SNX14: variants seen among roughly 807,000 people sequenced by gnomAD.
The protein encoded by SNX14 is sorting nexin 14, also known as sorting nexin-14.
Under a neutral mutation model 133.8 loss-of-function variants are expected in SNX14, and 93 were observed. The ratio of observed to expected loss-of-function variants is 0.70; its 90% CI spans 0.59 to 0.83. The LOEUF is 0.83. SNX14 is among the 40% of genes least tolerant of loss of function. The probability of loss-of-function intolerance (pLI) is 0.00; values close to 1 mark genes in which losing one functional copy is unlikely to be tolerated. For synonymous variants in SNX14, 368 were observed against 365.6 expected, an observed-to-expected ratio of 1.01 and a Z score of -0.07; for missense variants, 945 against 1,094.9, an observed-to-expected ratio of 0.86 and a Z score of 1.93.
At chr6:85,514,279 G>A in intron 24 of SNX14, 45 bp from the exon 25 acceptor site, 1 of 1,558,072 alleles carries the variant, frequency 6.4e-7, no homozygotes, top group Non-Finnish European at 8.6e-7. Flanking sequence ...CAGATGAATT[G>A]GTATTTTTGA....
At chr6:85,574,956 T>C (rs746270688) in intron 1 of SNX14, among the ~76,000 whole-genome samples, 11 of 152,164 alleles carry the variant, frequency 7.2e-5, no homozygotes, top group Non-Finnish European at 1.2e-4. Flanking sequence ...CAGAAAAGTT[T>C]TTTCAGAGAA....
chr6:85,544,122 C>CT (rs962571998), intron 12 of SNX14, among the ~76,000 whole-genome samples: 1 of 151,970 alleles, frequency 6.6e-6, no homozygotes, highest in African/African-American at 2.4e-5. Flanking sequence ...AAAATGAAGA[C>CT]TTTTTTTAGT....
intron 26 of SNX14, among the ~76,000 whole-genome samples, chr6:85,512,991 T>C (rs1773486631): frequency 6.6e-6 from 1 of 152,180 alleles, no homozygotes; most frequent in Non-Finnish European, 1.5e-5. Flanking sequence ...TACTCCATAC[T>C]TTCTCCCTAT....
chr6:85,585,762 A>G (rs1202401776), intron 1 of SNX14, among the ~76,000 whole-genome samples: 3 of 152,206 alleles, frequency 2.0e-5, no homozygotes, highest in Non-Finnish European at 4.4e-5. Context: ...AAAATACAGA[A>G]GAAATGAGAG....
At chr6:85,566,949 C>T (rs1270152436) in intron 5 of SNX14, among the ~76,000 whole-genome samples, 2 of 151,894 alleles carry the variant, frequency 1.3e-5, no homozygotes, top group Non-Finnish European at 2.9e-5. Flanking sequence ...GGCCCTTGCA[C>T]GTACATGGCA....
intron 28 of SNX14, among the ~76,000 whole-genome samples, chr6:85,506,726 CAAA>C (rs778014679): frequency 6.6e-6 from 1 of 152,302 alleles, no homozygotes; most frequent in Non-Finnish European, 1.5e-5. Context: ...TTCATCCAAC[CAAA>C]AGGATTAGTC....
Position 85,535,203 on chromosome 6 carries a change from C to G in SNX14, c.1609-1403G>C, listed in dbSNP as rs562376116. ...GCTAATTTTTTAATTTTTGTAAAGA[C>G]AGGGTCTCACCATGTTGCCCAGGCT... On this transcript the variant is annotated intron_variant, in intron 17 of 28. Transcript: ENST00000314673. Among the ~76,000 whole-genome samples the G allele has an allele frequency of 4.6e-5, 7 of 151,968 alleles. No individual in the cohort carries two copies. The East Asian group carries it at 1.4e-3, about 30-fold the overall frequency.
chr6:85,559,828 G>C lies in SNX14; in HGVS notation c.550-1768C>G, dbSNP rs552000189. ...AAAAAATAACCCAGTTAAAATGCAG[G>C]TAAGGAATTTGAATGGACATTTCTT... On this transcript the variant is annotated intron_variant, in intron 6 of 28. Transcript: ENST00000314673. Among the ~76,000 whole-genome samples, 39 of 152,234 alleles carry C rather than the reference G, an allele frequency of 2.6e-4. 2 individuals carry two copies. Among genetic ancestry groups the C allele is most frequent in the Admixed American group, 7.9e-4 (12 of 15,282 alleles).
intron 19 of SNX14, among the ~76,000 whole-genome samples, chr6:85,529,902 G>A (rs998396642): frequency 7.2e-5 from 11 of 151,942 alleles, no homozygotes; most frequent in Admixed American, 3.9e-4. Context: ...CAGGAAGAAC[G>A]AAAAAGAGTA....
intron 1 of SNX14, among the ~76,000 whole-genome samples, chr6:85,583,353 C>T (rs1799639275): frequency 6.6e-6 from 1 of 152,110 alleles, no homozygotes; most frequent in Non-Finnish European, 1.5e-5. Flanking sequence ...ACACAAGGAT[C>T]CCCTCTCTCA....
Position 85,530,245 on chromosome 6 carries a change from T to C in SNX14, c.1841A>G (p.Tyr614Cys), listed in dbSNP as rs377241536. The C allele has an allele frequency of 1.1e-5, 17 of 1,602,762 alleles. No individual in the cohort carries two copies. The highest frequency in any genetic ancestry group is 5.6e-5 in the South Asian group (5 of 89,558). The change falls in exon 19 of 29, where the codon TAT becomes TGT. Residue 614 changes from tyrosine to cysteine, a missense_variant. Transcript: ENST00000314673. ...TACATAGAATTCAAGATATCTTCTA[T>C]AGACAGACCAATGTTCAGGCTCGTG... ...VGHEPEHWSV[Y>C]RRYLEFYVLE...
intron 7 of SNX14, among the ~76,000 whole-genome samples, chr6:85,557,039 G>T (rs1790024840): frequency 6.6e-6 from 1 of 152,158 alleles, no homozygotes; most frequent in Admixed American, 6.5e-5. Context: ...CTATTTCACT[G>T]CTGTAGGACT....
intron 14 of SNX14, 37 bp from the exon 15 acceptor site, chr6:85,542,080 C>T: frequency 7.4e-7 from 1 of 1,342,906 alleles, no homozygotes; most frequent in Non-Finnish European, 1.0e-6. Flanking sequence ...ATTTATTACA[C>T]TTACAATTAA....
rs368530600 is a variant in SNX14, at chr6:85,593,625, A to G, written c.94T>C (p.Cys32Arg). ...REICRQYPLF[C>R]FLLLCLSAAS... is the part of the protein sequence containing the mutation. ...GCGCTGAGACAGAGCAGCAGGAAGC[A>G]GAACAGCGGGTACTGGCGGCAGATC... Residue 32 changes from cysteine to arginine, a missense_variant, in exon 1 of 29, where the codon TGC (cysteine) becomes CGC (arginine). Physicochemically the swap from Cys to Arg is radical, Grantham distance 180 (BLOSUM62 -3). Transcript: ENST00000314673. The G allele has an allele frequency of 7.4e-6, 12 of 1,613,586 alleles. No homozygotes were observed. The highest frequency in any genetic ancestry group is 1.0e-5 in the Non-Finnish European group (12 of 1,179,912).
intron 17 of SNX14, among the ~76,000 whole-genome samples, chr6:85,536,489 C>T (rs779726081): frequency 6.6e-6 from 1 of 152,168 alleles, no homozygotes; most frequent in Non-Finnish European, 1.5e-5. Context: ...GAATTTGAAG[C>T]TTAACCAAAA....
intron 26 of SNX14, among the ~76,000 whole-genome samples, chr6:85,509,540 A>G (rs932316101): frequency 6.6e-6 from 1 of 152,174 alleles, no homozygotes; most frequent in Non-Finnish European, 1.5e-5. Context: ...TACTTTTTAA[A>G]GTAGTTTTGT....
At chr6:85,540,998 T>C (rs1160973683) in intron 15 of SNX14, among the ~76,000 whole-genome samples, 1 of 145,944 alleles carries the variant, frequency 6.9e-6, no homozygotes, top group Non-Finnish European at 1.5e-5. Flanking sequence ...TTTCTTAACT[T>C]TTTTTTTTTT....
chr6:85,533,012 G>T (rs1206179456), intron 18 of SNX14, among the ~76,000 whole-genome samples: 2 of 152,032 alleles, frequency 1.3e-5, no homozygotes, highest in African/African-American at 4.8e-5. Context: ...TCAGCCTCCA[G>T]AGTAGCCGGG....
intron 12 of SNX14, among the ~76,000 whole-genome samples, chr6:85,546,026 C>T (rs906546674): frequency 6.6e-6 from 1 of 152,094 alleles, no homozygotes; most frequent in African/African-American, 2.4e-5. Flanking sequence ...CTTTAAAAAG[C>T]ATTATCCTGA....
Sources: allele counts gnomAD v4.1 joint callset (sites outside exome capture counted in the v4.1 genomes callset), GRCh38; gene constraint gnomAD v4.1.1; transcripts MANE v1.5; gene names NCBI Gene and HGNC (gene_info 2026-07-23, HGNC 2026-07-21).